Variants in TMOD1 observed in about 807,000 individuals in gnomAD.
TMOD1 encodes the protein tropomodulin-1.
A neutral mutation model predicts 40.6 loss-of-function variants in TMOD1; 17 were observed. The ratio of observed to expected loss-of-function variants is 0.42; its 90% CI spans 0.29 to 0.63. The LOEUF is 0.63. TMOD1 is among the 20% of genes least tolerant of loss of function. TMOD1 has a pLI of 0.22. For missense variants in TMOD1, 391 were observed against 447.6 expected (o/e 0.87, Z 1.14); for synonymous variants, 181 against 175.0 (o/e 1.03, Z -0.27).
intron 2 of TMOD1, among the ~76,000 whole-genome samples, chr9:97,537,888 G>C (rs924618988): frequency 3.9e-5 from 6 of 152,184 alleles, no homozygotes; most frequent in Non-Finnish European, 8.8e-5. Flanking sequence ...TGGAATCTTA[G>C]TTTGCTAGGA....
intron 1 of TMOD1, among the ~76,000 whole-genome samples, chr9:97,511,099 C>CAGAA (rs775602120): frequency 1.3e-5 from 2 of 148,840 alleles, no homozygotes; most frequent in East Asian, 4.0e-4. Flanking sequence ...CACACACACA[C>CAGAA]ACACACACAC....
chr9:97,552,809 A>G (rs1238852588), intron 3 of TMOD1, among the ~76,000 whole-genome samples: 1 of 152,124 alleles, frequency 6.6e-6, no homozygotes, highest in East Asian at 1.9e-4. Context: ...TACTCCCCTT[A>G]TTCCGTTATG....
At chr9:97,530,953 A>T (rs1334042384) in intron 2 of TMOD1, among the ~76,000 whole-genome samples, 1 of 146,326 alleles carries the variant, frequency 6.8e-6, no homozygotes, top group Non-Finnish European at 1.5e-5. Context: ...ATGCCCGGCT[A>T]ATTTTTGTAT....
At chr9:97,597,283 G>A (rs1476690958) in intron 9 of TMOD1, among the ~76,000 whole-genome samples, 2 of 152,168 alleles carry the variant, frequency 1.3e-5, no homozygotes, top group South Asian at 4.1e-4. Context: ...TGACTTATTC[G>A]TAACTTGGAA....
chr9:97,584,617 T>TA (rs1825828442), intron 8 of TMOD1, among the ~76,000 whole-genome samples: 1 of 152,192 alleles, frequency 6.6e-6, no homozygotes, highest in Non-Finnish European at 1.5e-5. Flanking sequence ...AGTCTCCTAT[T>TA]ATTAATGTGT....
chr9:97,533,476 T>A (rs947084314), intron 2 of TMOD1, among the ~76,000 whole-genome samples: 3 of 152,194 alleles, frequency 2.0e-5, no homozygotes, highest in African/African-American at 7.2e-5. Flanking sequence ...GAGACACTGT[T>A]CACATAGACT....
chr9:97,552,743 T>A (rs1341265943), intron 3 of TMOD1, among the ~76,000 whole-genome samples: 1 of 152,202 alleles, frequency 6.6e-6, no homozygotes, highest in Non-Finnish European at 1.5e-5. Context: ...CACCATAATT[T>A]CTTCACCAGT....
intron 4 of TMOD1, among the ~76,000 whole-genome samples, chr9:97,561,195 G>T (rs1357034502): frequency 6.6e-6 from 1 of 152,192 alleles, no homozygotes; most frequent in African/African-American, 2.4e-5. Flanking sequence ...CAGAACTCAG[G>T]TCAGACCATC....
upstream of TMOD1, chr9:97,501,574 C>CGGGCGGGGCGGGGCG (rs1218759603): frequency 6.7e-6 from 1 of 149,394 alleles, no homozygotes; most frequent in African/African-American, 2.4e-5. Context: ...GAGCCGGCGG[C>CGGGCGGGGCGGGGCG]GGGCGGGGCG....
intron 3 of TMOD1, among the ~76,000 whole-genome samples, chr9:97,552,685 A>G (rs1286093183): frequency 1.3e-5 from 2 of 152,202 alleles, no homozygotes; most frequent in African/African-American, 4.8e-5. Context: ...GTAAGTAGCA[A>G]TTGCCATCAT....
intron 9 of TMOD1, 127 bp downstream of exon 9, chr9:97,591,562 C>T (rs1291201372): frequency 7.6e-6 from 9 of 1,183,082 alleles, no homozygotes; most frequent in African/African-American, 3.1e-5. Context: ...TCACATTGAT[C>T]GCGTCTTCCT....
chr9:97,568,820 G>C, intron 7 of TMOD1, 74 bp from the exon 8 acceptor site: 1 of 1,564,852 alleles, frequency 6.4e-7, no homozygotes, highest in Non-Finnish European at 8.7e-7. Flanking sequence ...AGGTGTCTTA[G>C]GATCTACCCA....
chr9:97,585,933 C>A (rs1825862406), intron 8 of TMOD1, among the ~76,000 whole-genome samples: 1 of 143,948 alleles, frequency 6.9e-6, no homozygotes, highest in African/African-American at 2.7e-5. Context: ...TTTTCAACTT[C>A]TTTGCCTTTG....
At chr9:97,524,519 TGTATGTGTGTGTGTGTGTC>T (rs1289203058) in intron 2 of TMOD1, among the ~76,000 whole-genome samples, 2 of 150,596 alleles carry the variant, frequency 1.3e-5, no homozygotes, top group Non-Finnish European at 3.0e-5. Flanking sequence ...TGTGTGTGTG[TGTATGTGTGTGTGTGTGTC>T]GAGACAGAGA....
chr9:97,554,731 C>T (rs1167713263), intron 4 of TMOD1, among the ~76,000 whole-genome samples: 2 of 152,036 alleles, frequency 1.3e-5, no homozygotes, highest in East Asian at 1.9e-4. Context: ...CCAGAGGCCA[C>T]GGCGGAGGTG....
At chr9:97,551,014 A>ATTTTTTTTTTTTTTTTTTTTTTTTTTT (rs55700746) in intron 3 of TMOD1, among the ~76,000 whole-genome samples, 1 of 104,270 alleles carries the variant, frequency 9.6e-6, no homozygotes, top group African/African-American at 4.3e-5. Flanking sequence ...ATATATATAT[A>ATTTTTTTTTTTTTTTTTTTTTTTTTTT]TTTTTTTTTT....
intron 9 of TMOD1, among the ~76,000 whole-genome samples, chr9:97,598,679 G>GGT (rs1826171123): frequency 6.6e-6 from 1 of 152,150 alleles, no homozygotes; most frequent in African/African-American, 2.4e-5. Flanking sequence ...CTCCCTTGTG[G>GGT]GTCTGCTTTG....
chr9:97,586,338 C>T (rs927875784), intron 8 of TMOD1, among the ~76,000 whole-genome samples: 10 of 152,148 alleles, frequency 6.6e-5, no homozygotes, highest in African/African-American at 1.7e-4. Flanking sequence ...GTCAGGGACC[C>T]ACTTGAGGAG....
At chr9:97,554,715 G>A (rs957157059) in intron 4 of TMOD1, among the ~76,000 whole-genome samples, 1 of 152,124 alleles carries the variant, frequency 6.6e-6, no homozygotes, top group African/African-American at 2.4e-5. Context: ...TCAGAGGCAT[G>A]TAAGCCCAGA....
Sources: allele counts gnomAD v4.1 joint callset (sites outside exome capture counted in the v4.1 genomes callset), GRCh38; gene constraint gnomAD v4.1.1; transcripts MANE v1.5; gene names NCBI Gene and HGNC (gene_info 2026-07-23, HGNC 2026-07-21).